Variants in ARHGAP15 observed in about 807,000 individuals in gnomAD.
The protein encoded by ARHGAP15 is Rho GTPase activating protein 15, also known as rho GTPase-activating protein 15.
ARHGAP15 carries 51 observed loss-of-function variants against 63.7 expected under a neutral mutation model. The ratio of observed to expected loss-of-function variants is 0.80; its 90% confidence interval spans 0.64 to 1.01. ARHGAP15 has a LOEUF of 1.01. ARHGAP15 is among the 50% of genes least tolerant of loss of function. ARHGAP15 has a pLI of 0.00. For missense variants in ARHGAP15, 560 were observed against 564.6 expected (o/e 0.99, Z 0.08); for synonymous variants, 191 against 193.8 (o/e 0.99, Z 0.12).
At chr2:143,544,937 A>C (rs1302702037) in intron 10 of ARHGAP15, among the ~76,000 whole-genome samples, 1 of 152,226 alleles carries the variant, frequency 6.6e-6, no homozygotes, top group Non-Finnish European at 1.5e-5. Flanking sequence ...TCCTGAGAAT[A>C]GGAAGCTCAA....
At chr2:143,543,138 TG>T (rs1304600056) in intron 10 of ARHGAP15, among the ~76,000 whole-genome samples, 1 of 152,024 alleles carries the variant, frequency 6.6e-6, no homozygotes, top group African/African-American at 2.4e-5. Context: ...CCATAATTGT[TG>T]TACTAATTTG....
At chr2:143,350,868 T>G (rs1274108446) in intron 6 of ARHGAP15, 8 of 144,962 alleles carry the variant, frequency 5.5e-5, no homozygotes, top group African/African-American at 1.8e-4. Flanking sequence ...AAAAAGAAAT[T>G]ATATATTTTG....
At chr2:143,578,947 A>C (rs1008629865) in intron 11 of ARHGAP15, among the ~76,000 whole-genome samples, 1 of 152,162 alleles carries the variant, frequency 6.6e-6, no homozygotes, top group Non-Finnish European at 1.5e-5. Flanking sequence ...ACATTTCATA[A>C]TATACACTAC....
At position 143,526,606 on chromosome 2, in the gene ARHGAP15, C is replaced by G. The variant is rs576168136; in HGVS notation, c.925+7242C>G. Among the ~76,000 whole-genome samples, 323 of 152,114 alleles carry G rather than the reference C, an allele frequency of 2.1e-3. 1 individual carries two copies. The highest frequency in any genetic ancestry group is 7.4e-3 in the African/African-American group (308 of 41,506). ...GGGAGTTCTAGGACTGGGAGTTTTC[C>G]CATTACAAGGCCCTATATGCAGAAC... On this transcript the variant is annotated intron_variant, in intron 10 of 13. Coordinates refer to ENST00000295095, the MANE Select transcript of ARHGAP15 (RefSeq NM_018460.4).
At chr2:143,407,987 G>GTATGTGTA (rs1553475720) in intron 6 of ARHGAP15, among the ~76,000 whole-genome samples, 1 of 77,420 alleles carries the variant, frequency 1.3e-5, no homozygotes, top group African/African-American at 4.5e-5. Flanking sequence ...TTCTGTGTGT[G>GTATGTGTA]TATATATATA....
chr2:143,351,189 T>C lies in ARHGAP15; in HGVS notation c.475-84412T>C, dbSNP rs1365241783. Reference sequence around the variant, plus strand: ...CATTAATATGAACTCTTGATTGTTATTTAGCATGTATAAGGACTACTAGTC... The same window carrying C: ...CATTAATATGAACTCTTGATTGTTACTTAGCATGTATAAGGACTACTAGTC... On this transcript the variant is annotated intron_variant, in intron 6 of 13. Transcript: ENST00000295095. 3 of 152,212 alleles carry C rather than the reference T, an allele frequency of 2.0e-5. No homozygotes were observed. In the East Asian group the frequency reaches 5.8e-4, roughly 29 times the overall value. The allele number at this position is 152,212 out of a possible 1,614,324, so 9.4% of individuals were successfully genotyped here.
intron 1 of ARHGAP15, among the ~76,000 whole-genome samples, chr2:143,134,154 CCTATCTATCTATCAT>C (rs1558765563): frequency 1.4e-4 from 2 of 14,698 alleles, no homozygotes; most frequent in South Asian, 1.2e-3. Context: ...TATCTATCTA[CCTATCTATCTATCAT>C]CTATCTATCT....
rs112141944 is a variant in ARHGAP15 at position 143,493,057 on chromosome 2, C to CAAAA, written c.826+5568_826+5571dup. On this transcript the variant is annotated intron_variant, in intron 9 of 13. Coordinates refer to ENST00000295095, the MANE Select transcript of ARHGAP15 (RefSeq NM_018460.4). The stretch of plus-strand genomic sequence containing the variant: ...TGGGCGACAGAGCGAGACTCTGTCT[C>CAAAA]AAAAAAAAACAAAAAAAACCATCAA... 2.5e-3 allele frequency among the ~76,000 whole-genome samples: 370 copies of CAAAA among 148,182 alleles called. 2 individuals are homozygous for CAAAA. Among genetic ancestry groups the CAAAA allele is most frequent in the Middle Eastern group, 6.9e-3 (2 of 288 alleles).
intron 6 of ARHGAP15, among the ~76,000 whole-genome samples, chr2:143,394,377 T>C (rs187314177): frequency 2.1e-3 from 325 of 152,264 alleles, no homozygotes; most frequent in Non-Finnish European, 3.1e-3. Flanking sequence ...AAAAGAAGAC[T>C]GCAAAATTGT....
chr2:143,594,738 A>G (rs1037328853), intron 11 of ARHGAP15, among the ~76,000 whole-genome samples: 22 of 152,188 alleles, frequency 1.4e-4, no homozygotes, highest in African/African-American at 5.3e-4. Flanking sequence ...AACATGACAC[A>G]TAATATTTAC....
intron 12 of ARHGAP15, among the ~76,000 whole-genome samples, chr2:143,666,146 T>C (rs961553160): frequency 2.1e-4 from 32 of 151,578 alleles, no homozygotes; most frequent in Non-Finnish European, 4.0e-4. Context: ...GCTGGAGGCA[T>C]CACACTACCT....
chr2:143,489,668 TC>T, intron 9 of ARHGAP15, among the ~76,000 whole-genome samples: 1 of 152,250 alleles, frequency 6.6e-6, no homozygotes. Flanking sequence ...AACAATAAAA[TC>T]AGTATTTTTA....
chr2:143,464,491 C>CATAA (rs917131822), intron 8 of ARHGAP15, among the ~76,000 whole-genome samples: 1 of 151,972 alleles, frequency 6.6e-6, no homozygotes, highest in Non-Finnish European at 1.5e-5. Flanking sequence ...CCTTAAAAAG[C>CATAA]ATAAATAAAT....
chr2:143,613,154 TTAAG>T (rs75878985), intron 11 of ARHGAP15, among the ~76,000 whole-genome samples: 36,130 of 151,942 alleles, frequency 0.24, 4,841 homozygotes, highest in East Asian at 0.56. Context: ...CAAAAGGATC[TTAAG>T]TAAGTAAAAA....
intron 6 of ARHGAP15, among the ~76,000 whole-genome samples, chr2:143,285,570 C>G (rs997013967): frequency 6.6e-6 from 1 of 152,114 alleles, no homozygotes; most frequent in Non-Finnish European, 1.5e-5. Context: ...TTTTGAATTT[C>G]TTCTGAGTTG....
At chr2:143,696,156 A>G (rs1298948039) in intron 12 of ARHGAP15, among the ~76,000 whole-genome samples, 2 of 151,984 alleles carry the variant, frequency 1.3e-5, no homozygotes, top group African/African-American at 4.8e-5. Flanking sequence ...TTTCACAATT[A>G]TCTTAGATGA....
At chr2:143,746,096 T>C (rs188111533) in intron 13 of ARHGAP15, among the ~76,000 whole-genome samples, 2 of 152,324 alleles carry the variant, frequency 1.3e-5, no homozygotes, top group Admixed American at 1.3e-4. Context: ...AAGTAGATTA[T>C]TTAGACATTC....
chr2:143,323,894 C>CAAAAAAAAAAAA lies in ARHGAP15; in HGVS notation c.474+73312_474+73323dup, dbSNP rs55804357. Among the ~76,000 whole-genome samples, 11 of 26,174 alleles carry CAAAAAAAAAAAA rather than the reference C, an allele frequency of 4.2e-4. 2 individuals carry two copies. The highest frequency in any genetic ancestry group is 2.1e-3 in the African/African-American group (11 of 5,278). 17.2% of individuals were successfully genotyped at this position (26,174 alleles called of 152,430 possible). A position where few individuals can be genotyped will look rare whatever the true frequency, so the allele number is the denominator to read the frequency against. ...TGGGTGACAGAGCAAGACTCCGTCT[C>CAAAAAAAAAAAA]AAAAAAAAAAAAAAAAAAAAAAAAA... On this transcript the variant is annotated intron_variant, in intron 6 of 13. Coordinates refer to ENST00000295095, the MANE Select transcript of ARHGAP15 (RefSeq NM_018460.4).
intron 12 of ARHGAP15, among the ~76,000 whole-genome samples, chr2:143,691,202 G>A (rs535046423): frequency 6.6e-6 from 1 of 152,242 alleles, no homozygotes; most frequent in African/African-American, 2.4e-5. Context: ...GAAAAAATTG[G>A]AGTCAAAGTG....
Sources: allele counts gnomAD v4.1 joint callset (sites outside exome capture counted in the v4.1 genomes callset), GRCh38; gene constraint gnomAD v4.1.1; transcripts MANE v1.5; gene names NCBI Gene and HGNC (gene_info 2026-07-23, HGNC 2026-07-21).